Variants in FRG1 observed in about 807,000 individuals in gnomAD.
FRG1 encodes the protein protein FRG1.
FRG1 carries 19 observed loss-of-function variants against 37.0 expected under a neutral mutation model. That is an observed-to-expected ratio of 0.51 (90% confidence interval 0.36 to 0.75). The LOEUF (loss-of-function observed/expected upper bound fraction) is 0.75, where lower values mean the gene tolerates loss of function less well. FRG1 is among the 30% of genes least tolerant of loss of function. FRG1 has a pLI of 0.00. For missense variants in FRG1, 243 were observed against 301.4 expected (o/e 0.81, Z 1.44); for synonymous variants, 73 against 96.5 (o/e 0.76, Z 1.43).
At position 189,959,475 on chromosome 4, in the gene FRG1, G is replaced by A. The variant is rs577636915; in HGVS notation, c.538-1273G>A. ...ACAGGATGTGTACCCAGGCCCAGCT[G>A]ACTCCAGAGGCCACTCTCAATATTT... On this transcript the variant is annotated intron_variant, in intron 6 of 8. Coordinates refer to ENST00000226798, the MANE Select transcript of FRG1 (RefSeq NM_004477.3). Among the ~76,000 whole-genome samples the A allele has an allele frequency of 4.1e-3, 622 of 152,280 alleles. 4 individuals carry two copies. Among genetic ancestry groups the A allele is most frequent in the African/African-American group, 0.014 (595 of 41,542 alleles).
intron 5 of FRG1, 29 bp from the exon 6 acceptor site, chr4:189,957,369 A>G (rs1409889829): frequency 3.3e-6 from 5 of 1,529,722 alleles, no homozygotes; most frequent in Non-Finnish European, 4.4e-6. Flanking sequence ...AAGTATCCTC[A>G]TGGCTATTTT....
At chr4:189,941,427 C>T (rs1375333583) in intron 1 of FRG1, among the ~76,000 whole-genome samples, 1 of 152,180 alleles carries the variant, frequency 6.6e-6, no homozygotes, top group Non-Finnish European at 1.5e-5. Context: ...ATTATTTTCT[C>T]CATTGTCTCT....
chr4:189,959,612 G>C (rs62345301), intron 6 of FRG1, among the ~76,000 whole-genome samples: 1 of 151,986 alleles, frequency 6.6e-6, no homozygotes, highest in Non-Finnish European at 1.5e-5. Flanking sequence ...AAATTATTTT[G>C]CATCTGGATA....
intron 5 of FRG1, among the ~76,000 whole-genome samples, chr4:189,955,697 TA>T (rs1736954268): frequency 6.6e-6 from 1 of 152,214 alleles, no homozygotes; most frequent in South Asian, 2.1e-4. Flanking sequence ...TAGACAGTTG[TA>T]TATGGATGTT....
intron 6 of FRG1, chr4:189,959,707 A>T (rs1737148034): frequency 6.3e-6 from 1 of 159,638 alleles, no homozygotes; most frequent in Admixed American, 6.5e-5. Flanking sequence ...AGATACTTAC[A>T]CAAAGATTGC....
rs199625825 is a variant in FRG1 at position 189,961,920 on chromosome 4, C to T, written c.728C>T (p.Thr243Met). The change falls in exon 8 of 9, where the codon ACG (threonine) becomes ATG (methionine). Residue 243 changes from threonine to methionine, a missense_variant. By Grantham distance (81) the Thr-to-Met change is moderately conservative (BLOSUM62 -1). This residue lies in a region of FRG1 where 133 missense variants were observed against 199.3 expected (regional missense o/e 0.67). Coordinates refer to ENST00000226798, the MANE Select transcript of FRG1 (RefSeq NM_004477.3). Reference protein sequence around the residue: ...KARKDGFLHETLLDRRAKLKA... With the variant: ...KARKDGFLHEMLLDRRAKLKA... Reference sequence around the variant, plus strand: ...CGGAAAGATGGATTTTTGCATGAGACGCTTCTGGACAGGTAGCTATTTATT... The same window carrying T: ...CGGAAAGATGGATTTTTGCATGAGATGCTTCTGGACAGGTAGCTATTTATT... The T allele has an allele frequency of 2.2e-4, 329 of 1,520,048 alleles. No homozygotes were observed. Among genetic ancestry groups the T allele is most frequent in the African/African-American group, 5.5e-4 (39 of 71,330 alleles). 94.2% of individuals were successfully genotyped at this position (1,520,048 alleles called of 1,614,324 possible).
intron 2 of FRG1, among the ~76,000 whole-genome samples, chr4:189,947,077 A>G (rs948472070): frequency 5.9e-5 from 9 of 152,236 alleles, no homozygotes; most frequent in African/African-American, 2.2e-4. Flanking sequence ...GCTGGTCTCA[A>G]ACTCCTGACC....
At chr4:189,945,605 G>C (rs1359624166) in intron 2 of FRG1, among the ~76,000 whole-genome samples, 2 of 152,128 alleles carry the variant, frequency 1.3e-5, no homozygotes, top group South Asian at 2.1e-4. Flanking sequence ...CTTGGTTGTG[G>C]TGCGTTGTCC....
chr4:189,950,340 C>T (rs200915627), intron 2 of FRG1, among the ~76,000 whole-genome samples: 108 of 143,804 alleles, frequency 7.5e-4, no homozygotes, highest in African/African-American at 2.2e-3. Flanking sequence ...CTGTTGATGG[C>T]GGTTCTTGAT....
At chr4:189,944,221 A>G (rs1049852684) in intron 2 of FRG1, among the ~76,000 whole-genome samples, 21 of 152,174 alleles carry the variant, frequency 1.4e-4, no homozygotes, top group African/African-American at 5.1e-4. Flanking sequence ...CTGTCTCCCA[A>G]GCTGGAATGC....
chr4:189,942,858 A>T (rs1298018129), intron 1 of FRG1, among the ~76,000 whole-genome samples: 1 of 152,200 alleles, frequency 6.6e-6, no homozygotes, highest in Non-Finnish European at 1.5e-5. Flanking sequence ...TCCTCACAAT[A>T]GCCTTAAGAG....
At chr4:189,944,759 TTGTC>T (rs920056084) in intron 2 of FRG1, among the ~76,000 whole-genome samples, 157 of 152,302 alleles carry the variant, frequency 1.0e-3, no homozygotes, top group African/African-American at 3.7e-3. Flanking sequence ...ATCGATACGT[TTGTC>T]TGTTTTTCTG....
intron 5 of FRG1, among the ~76,000 whole-genome samples, chr4:189,956,086 C>G (rs1191200283): frequency 1.3e-5 from 2 of 152,200 alleles, no homozygotes; most frequent in Non-Finnish European, 2.9e-5. Flanking sequence ...TGCATTTTTA[C>G]ATTGCAGCCC....
At chr4:189,941,104 C>G in intron 1 of FRG1, 33 bp downstream of exon 1, 1 of 1,594,044 alleles carries the variant, frequency 6.3e-7, no homozygotes, top group Non-Finnish European at 8.6e-7. Context: ...GAGCCTCCTC[C>G]GTTCTTTTCG....
At chr4:189,955,240 GT>G in intron 5 of FRG1, 89 bp downstream of exon 5, 1 of 755,490 alleles carries the variant, frequency 1.3e-6, no homozygotes, top group Non-Finnish European at 2.3e-6. Flanking sequence ...AAAAGAAAAA[GT>G]AGGATGCAAT....
intron 5 of FRG1, among the ~76,000 whole-genome samples, chr4:189,956,198 G>A (rs1270802721): frequency 6.6e-6 from 1 of 151,988 alleles, no homozygotes; most frequent in Non-Finnish European, 1.5e-5. Context: ...CCCTTCCTCT[G>A]TGAGTCTGTG....
chr4:189,941,103 C>T, intron 1 of FRG1, 32 bp downstream of exon 1: 1 of 1,601,142 alleles, frequency 6.2e-7, no homozygotes, highest in Non-Finnish European at 8.6e-7. Context: ...GGAGCCTCCT[C>T]CGTTCTTTTC....
intron 2 of FRG1, among the ~76,000 whole-genome samples, chr4:189,948,421 C>A (rs1470571903): frequency 1.3e-5 from 2 of 152,186 alleles, no homozygotes; most frequent in African/African-American, 2.4e-5. Flanking sequence ...TACCCAGGAA[C>A]TAAAGCTAAG....
At chr4:189,947,837 T>G (rs1736593463) in intron 2 of FRG1, among the ~76,000 whole-genome samples, 1 of 152,242 alleles carries the variant, frequency 6.6e-6, no homozygotes, top group African/African-American at 2.4e-5. Flanking sequence ...CTCAGCTTAG[T>G]GACAGTGACA....
Sources: allele counts gnomAD v4.1 joint callset (sites outside exome capture counted in the v4.1 genomes callset), GRCh38; gene constraint gnomAD v4.1.1; regional missense constraint gnomAD v4.1.1; transcripts MANE v1.5; gene names NCBI Gene and HGNC (gene_info 2026-07-23, HGNC 2026-07-21).